AGER: variants seen among roughly 807,000 people sequenced by gnomAD.
AGER encodes the protein advanced glycosylation end-product specific receptor, also known as advanced glycation end product-specific receptor.
Under a neutral mutation model 48.8 loss-of-function variants are expected in AGER, and 46 were observed. The ratio of observed to expected loss-of-function variants is 0.94; its 90% CI spans 0.74 to 1.20. The LOEUF is 1.20. AGER is among the 50% of genes most tolerant of loss of function. The probability of loss-of-function intolerance (pLI) is 0.00; values close to 1 mark genes in which losing one functional copy is unlikely to be tolerated. For synonymous variants in AGER, 170 were observed against 199.9 expected (o/e 0.85, Z 1.26); for missense variants, 489 against 515.0 (o/e 0.95, Z 0.49).
Position 32,181,235 on chromosome 6 carries a change from C to T in AGER, c.1123G>A (p.Ala375Thr). The T allele has an allele frequency of 6.2e-7, 1 of 1,614,200 alleles. No individual in the cohort carries two copies. Among genetic ancestry groups the T allele is most frequent in the Non-Finnish European group, 8.5e-7 (1 of 1,180,042 alleles). Residue 375 changes from alanine (A) to threonine (T), a missense_variant, in exon 11 of 11, where the codon GCC becomes ACC. Coordinates refer to ENST00000375076, the MANE Select transcript of AGER (RefSeq NM_001136.5). This position sits in a 1 kb window ranked among gnomAD's most constrained non-coding sequence, Gnocchi z 4.1. ...TCCTCTTCCTCCTGGTTTTCTGGGG[C>T]CTTCCTGAGGAGAAAGATTGGGGGG... ...RRQRRGEERK[A>T]PENQEEEEER...
chr6:32,182,499 G>A lies in AGER; in HGVS notation c.822+69C>T, dbSNP rs769835092. ...CTCCTAGCCTGCCTTTCCCTCGTTA[G>A]CCCTCTGCCCTCCCTGTTGCTAGTT... On this transcript the variant is annotated intron_variant, in intron 7 of 10. Coordinates refer to ENST00000375076, the MANE Select transcript of AGER (RefSeq NM_001136.5). This position sits in a 1 kb window ranked among gnomAD's most constrained non-coding sequence, Gnocchi z 5.1. The A allele has an allele frequency of 1.3e-6, 2 of 1,596,406 alleles. No homozygotes were observed. Among genetic ancestry groups the A allele is most frequent in the African/African-American group, 1.3e-5 (1 of 74,456 alleles).
In AGER at chr6:32,181,483, C is replaced by T. The variant is rs2071288; in HGVS notation, c.992-6G>A. On this transcript the variant is annotated splice_polypyrimidine_tract_variant and splice_region_variant and intron_variant, in intron 9 of 10. Coordinates refer to ENST00000375076, the MANE Select transcript of AGER (RefSeq NM_001136.5). The surrounding 1 kb of genome is among the most constrained non-coding windows in gnomAD (Gnocchi z 4.1). ...CCCTGATCCTCCCACAGAGCCTGTA[C>T]GGAGACAGGGAAAATTGAGAGCACA... The T allele has an allele frequency of 0.012, 19,885 of 1,613,186 alleles. 632 individuals carry two copies. The highest frequency in any genetic ancestry group is 0.11 in the African/African-American group (8,499 of 75,016).
At position 32,182,165 on chromosome 6, in the gene AGER, G is replaced by T; in HGVS notation, c.964+82C>A. 6.3e-7 allele frequency: 1 copy of T among 1,596,798 alleles called. No homozygotes were observed. Reference sequence around the variant, plus strand: ...AGGTGGGGTGGCTGTTAGGGATAAGGCCAGAATGGGGCAGGAAATTAGAGC... The same window carrying T: ...AGGTGGGGTGGCTGTTAGGGATAAGTCCAGAATGGGGCAGGAAATTAGAGC... On this transcript the variant is annotated intron_variant, in intron 8 of 10. Coordinates refer to ENST00000375076, the MANE Select transcript of AGER (RefSeq NM_001136.5). This position sits in a 1 kb window ranked among gnomAD's most constrained non-coding sequence, Gnocchi z 5.1.
chr6:32,182,333 G>A lies in AGER; in HGVS notation c.878C>T (p.Pro293Leu), dbSNP rs201967398. 234 of 1,612,336 alleles carry A rather than the reference G, an allele frequency of 1.5e-4. 1 individual carries two copies. The highest frequency in any genetic ancestry group is 5.8e-5 in the Non-Finnish European group (68 of 1,179,512). ...ACAGCTGTAGGTTCCCTGGTCCTGA[G>A]GCCCTATCTCAGGGAGGATCAGCAC... ...SPVLILPEIG[P>L]QDQGTYSCVA... is the part of the protein sequence containing the mutation. Residue 293 changes from proline (P) to leucine (L), a missense_variant, in exon 8 of 11, where the codon CCT (proline) becomes CTT (leucine). Physicochemically the swap from Pro to Leu is moderately conservative, Grantham distance 98. Transcript: ENST00000375076. The surrounding 1 kb of genome is among the most constrained non-coding windows in gnomAD (Gnocchi z 5.1).
intron 1 of AGER, 62 bp from the exon 2 acceptor site, chr6:32,184,049 G>C: frequency 6.2e-7 from 1 of 1,610,858 alleles, no homozygotes; most frequent in Non-Finnish European, 8.5e-7. Flanking sequence ...AATTTGGACA[G>C]GGTGGGTGAG....
In AGER at chr6:32,181,427, G is replaced by A. The variant is rs749487080; in HGVS notation, c.1042C>T (p.Leu348=). ...AGGGCGGCTGTCCCCAGGCCTCCCA[G>A]GATCCCCAGGGCCAGGGCTAGAGTT... ...LGTLALALGI[L]GGLGTAALLI... is the part of the protein sequence containing the mutation. The change falls in exon 10 of 11, where the codon CTG becomes TTG. Residue 348 remains leucine (L), a synonymous_variant. Coordinates refer to ENST00000375076, the MANE Select transcript of AGER (RefSeq NM_001136.5). The surrounding 1 kb of genome is among the most constrained non-coding windows in gnomAD (Gnocchi z 4.1). The A allele has an allele frequency of 6.2e-7, 1 of 1,613,316 alleles. No individual in the cohort carries two copies. Among genetic ancestry groups the A allele is most frequent in the East Asian group, 2.2e-5 (1 of 44,868 alleles).
Position 32,183,145 on chromosome 6 carries a change from C to G in AGER, c.477G>C (p.Leu159Phe), listed in dbSNP as rs188057660. The part of the protein sequence containing the change: ...SYPAGTLSWH[L>F]DGKPLVPNEK... ...CATTAGGCACCAGGGGCTTCCCATCCAAGTGCCAGCTAAGAGTCCCTGCAG... is the reference window on the plus strand; with the variant it reads ...CATTAGGCACCAGGGGCTTCCCATCGAAGTGCCAGCTAAGAGTCCCTGCAG... Residue 159 changes from leucine to phenylalanine, a missense_variant, in exon 5 of 11, where the codon TTG (leucine) becomes TTC (phenylalanine). Transcript: ENST00000375076. The G allele has an allele frequency of 6.2e-5, 100 of 1,613,112 alleles. 1 individual carries two copies. In the Admixed American group the frequency reaches 1.2e-3, roughly 19 times the overall value.
At position 32,182,543 on chromosome 6, in the gene AGER, C is replaced by T. The variant is rs761050938; in HGVS notation, c.822+25G>A. The T allele has an allele frequency of 2.0e-5, 32 of 1,610,854 alleles. No homozygotes were observed. The highest frequency in any genetic ancestry group is 2.6e-5 in the Non-Finnish European group (31 of 1,178,404). On this transcript the variant is annotated intron_variant, in intron 7 of 10. Transcript: ENST00000375076. The surrounding 1 kb of genome is among the most constrained non-coding windows in gnomAD (Gnocchi z 5.1). The stretch of plus-strand genomic sequence containing the variant: ...GCTAGTTATGGTTCACCCTACCTCC[C>T]AGCCCCTCTCTCCAGGTCACTCACA...
chr6:32,182,507 C>A lies in AGER; in HGVS notation c.822+61G>T, dbSNP rs1389307558. The A allele has an allele frequency of 6.2e-7, 1 of 1,600,008 alleles. No individual in the cohort carries two copies. The highest frequency in any genetic ancestry group is 2.2e-5 in the East Asian group (1 of 44,628). On this transcript the variant is annotated intron_variant, in intron 7 of 10. Coordinates refer to ENST00000375076, the MANE Select transcript of AGER (RefSeq NM_001136.5). This position sits in a 1 kb window ranked among gnomAD's most constrained non-coding sequence, Gnocchi z 5.1. ...CTGCCTTTCCCTCGTTAGCCCTCTG[C>A]CCTCCCTGTTGCTAGTTATGGTTCA...
At position 32,182,120 on chromosome 6, in the gene AGER, G is replaced by A; in HGVS notation, c.964+127C>T. 2 of 1,341,236 alleles carry A rather than the reference G, an allele frequency of 1.5e-6. No homozygotes were observed. Among genetic ancestry groups the A allele is most frequent in the Non-Finnish European group, 2.1e-6 (2 of 949,536 alleles). 83.1% of individuals were successfully genotyped at this position (1,341,236 alleles called of 1,614,324 possible). On this transcript the variant is annotated intron_variant, in intron 8 of 10. Coordinates refer to ENST00000375076, the MANE Select transcript of AGER (RefSeq NM_001136.5). The surrounding 1 kb of genome is among the most constrained non-coding windows in gnomAD (Gnocchi z 5.1). ...TTTGGGTGGGGCAGGGGAGGCTTGG[G>A]TGTGGGTGCATGGAGGGAGAGGTGG...
rs140366801 is a variant in AGER at position 32,181,150 on chromosome 6, C to T, written c.1208G>A (p.Gly403Glu). 25 of 1,614,014 alleles carry T rather than the reference C, an allele frequency of 1.5e-5. No homozygotes were observed. In the African/African-American group the frequency reaches 2.9e-4, roughly 19 times the overall value. ...EPEAGESSTG[G>E]P ...GATCTGTCTGTGGGCCCCTCAAGGC[C>T]CTCCAGTACTACTCTCGCCTGCCTC... Residue 403 changes from glycine to glutamate, a missense_variant, in exon 11 of 11, where the codon GGG becomes GAG. Gly to Glu is a moderately conservative substitution (Grantham distance 98). Coordinates refer to ENST00000375076, the MANE Select transcript of AGER (RefSeq NM_001136.5). The surrounding 1 kb of genome is among the most constrained non-coding windows in gnomAD (Gnocchi z 4.1).
At position 32,183,690 on chromosome 6, in the gene AGER, T is replaced by C. The variant is rs757110799; in HGVS notation, c.220A>G (p.Ser74Gly). 6 of 1,612,970 alleles carry C rather than the reference T, an allele frequency of 3.7e-6. No individual in the cohort carries two copies. Among genetic ancestry groups the C allele is most frequent in the South Asian group, 3.3e-5 (3 of 91,092 alleles). Reference protein sequence around the residue: ...LSPQGGGPWDSVARVLPNGSL... With the variant: ...LSPQGGGPWDGVARVLPNGSL... ...CCGTTGGGAAGGACACGAGCCACAC[T>C]GTCCCAGGGGCCTCCTCCCTGGGGA... Residue 74 changes from serine to glycine, a missense_variant, in exon 3 of 11, where the codon AGT becomes GGT. Ser to Gly is a moderately conservative substitution (Grantham distance 56, BLOSUM62 0). Coordinates refer to ENST00000375076, the MANE Select transcript of AGER (RefSeq NM_001136.5).
In AGER at chr6:32,183,588, C is replaced by T. The variant is rs753277480; in HGVS notation, c.322G>A (p.Glu108Lys). 1.2e-6 allele frequency: 2 copies of T among 1,613,080 alleles called. No homozygotes were observed. Among genetic ancestry groups the T allele is most frequent in the Admixed American group, 1.7e-5 (1 of 60,028 alleles). ...CGGACTCGGTAGTTGGACTTGGTCT[C>T]CTTTCCATTCCTGTTCATTGCCTGG... ...RCQAMNRNGKETKSNYRVRVY... is the reference protein window; with the variant it reads ...RCQAMNRNGKKTKSNYRVRVY... Residue 108 changes from glutamate to lysine, a missense_variant, in exon 3 of 11, where the codon GAG (glutamate) becomes AAG (lysine). Coordinates refer to ENST00000375076, the MANE Select transcript of AGER (RefSeq NM_001136.5).
chr6:32,182,147 G>T lies in AGER; in HGVS notation c.964+100C>A. The T allele has an allele frequency of 6.5e-7, 1 of 1,536,968 alleles. No individual in the cohort carries two copies. The highest frequency in any genetic ancestry group is 1.7e-4 in the Middle Eastern group (1 of 5,944). On this transcript the variant is annotated intron_variant, in intron 8 of 10. Coordinates refer to ENST00000375076, the MANE Select transcript of AGER (RefSeq NM_001136.5). The surrounding 1 kb of genome is among the most constrained non-coding windows in gnomAD (Gnocchi z 5.1). The stretch of plus-strand genomic sequence containing the variant: ...GTGGGTGCATGGAGGGAGAGGTGGG[G>T]TGGCTGTTAGGGATAAGGCCAGAAT...
At position 32,183,666 on chromosome 6, in the gene AGER, C is replaced by T. The variant is rs2070600; in HGVS notation, c.244G>A (p.Gly82Ser). The stretch of plus-strand genomic sequence containing the variant: ...CCGACAGCCGGAAGGAAGAGGGAGC[C>T]GTTGGGAAGGACACGAGCCACACTG... ...WDSVARVLPN[G>S]SLFLPAVGIQ... Residue 82 changes from glycine to serine, a missense_variant, in exon 3 of 11, where the codon GGC (glycine) becomes AGC (serine). By Grantham distance (56) the Gly-to-Ser change is moderately conservative. Transcript: ENST00000375076. 90,557 of 1,613,010 alleles carry T rather than the reference C, an allele frequency of 0.056. 3,365 individuals carry two copies. Among genetic ancestry groups the T allele is most frequent in the East Asian group, 0.18 (7,957 of 44,884 alleles).
chr6:32,183,778 A>G (rs1043016700), intron 2 of AGER, 28 bp from the exon 3 acceptor site: 1 of 1,611,474 alleles, frequency 6.2e-7, no homozygotes, highest in African/African-American at 1.3e-5. Context: ...GGGCCTAAAC[A>G]GTGCAAGGCC....
Position 32,182,678 on chromosome 6 carries a change from C to A in AGER, c.712G>T (p.Val238Phe), listed in dbSNP as rs780090863. ...CCTTCTGGCTCCACCACCAATTGGA[C>A]CTCCTCCAGAGGCACAGGCTCTGGG... is the stretch of plus-strand genomic sequence containing the variant. ...RVWEPVPLEEVQLVVEPEGGA... is the reference protein window; with the variant it reads ...RVWEPVPLEEFQLVVEPEGGA... Residue 238 changes from valine (V) to phenylalanine (F), a missense_variant, in exon 7 of 11, where the codon GTC becomes TTC. By Grantham distance (50) the Val-to-Phe change is conservative (BLOSUM62 -1). Coordinates refer to ENST00000375076, the MANE Select transcript of AGER (RefSeq NM_001136.5). The surrounding 1 kb of genome is among the most constrained non-coding windows in gnomAD (Gnocchi z 5.1). 7 of 1,612,994 alleles carry A rather than the reference C, an allele frequency of 4.3e-6. No individual in the cohort carries two copies. Among genetic ancestry groups the A allele is most frequent in the African/African-American group, 1.3e-5 (1 of 74,934 alleles).
Position 32,183,139 on chromosome 6 carries a change from C to G in AGER, c.483G>C (p.Gly161=). The change falls in exon 5 of 11, where the codon GGG becomes GGC. Residue 161 remains glycine (G), a synonymous_variant. Transcript: ENST00000375076. ...CCTTCTCATTAGGCACCAGGGGCTT[C>G]CCATCCAAGTGCCAGCTAAGAGTCC... is the stretch of plus-strand genomic sequence containing the variant. ...PAGTLSWHLD[G]KPLVPNEKGV... 6.2e-7 allele frequency: 1 copy of G among 1,613,088 alleles called. No individual in the cohort carries two copies. The highest frequency in any genetic ancestry group is 1.1e-5 in the South Asian group (1 of 91,086).
Position 32,181,650 on chromosome 6 carries a change from A to G in AGER, c.965-18T>C, listed in dbSNP as rs1461839759. On this transcript the variant is annotated intron_variant, in intron 8 of 10. Coordinates refer to ENST00000375076, the MANE Select transcript of AGER (RefSeq NM_001136.5). The surrounding 1 kb of genome is among the most constrained non-coding windows in gnomAD (Gnocchi z 4.1). ...GCCTGGTTCTGGAAGACAAAGTTGG[A>G]TCCAGTCAGAAAGGAAGACTTCGGG... is the stretch of plus-strand genomic sequence containing the variant. 1.2e-6 allele frequency: 2 copies of G among 1,612,502 alleles called. No homozygotes were observed. The highest frequency in any genetic ancestry group is 1.1e-5 in the South Asian group (1 of 91,066).
Sources: allele counts gnomAD v4.1 joint callset, GRCh38; gene constraint gnomAD v4.1.1; non-coding constraint Gnocchi (gnomAD v3.1); transcripts MANE v1.5; gene names NCBI Gene and HGNC (gene_info 2026-07-23, HGNC 2026-07-21).